Variants in AKAP12 observed in about 807,000 individuals in gnomAD.
AKAP12 encodes A-kinase anchor protein 12.
A neutral mutation model predicts 79.9 loss-of-function variants in AKAP12; 32 were observed. The ratio of observed to expected loss-of-function variants is 0.40; its 90% CI spans 0.30 to 0.54. The LOEUF is 0.54. Ranked by LOEUF, AKAP12 falls within the 20% of genes least tolerant of loss-of-function variation. The pLI is 0.48. For synonymous variants in AKAP12, 808 were observed against 857.0 expected (o/e 0.94, Z 1.00); for missense variants, 2,074 against 2,177.0 (o/e 0.95, Z 0.94).
rs1400976966 is a variant in AKAP12, at chr6:151,240,665, G to A, written c.103G>A (p.Glu35Lys). ...GCCCAGCGGCGGCGGCCCCTCGGCC[G>A]AGGCGGCGCCAGACACCACCGCGGA... ...PEPSGGGPSAEAAPDTTADPA... is the reference protein window; with the variant it reads ...PEPSGGGPSAKAAPDTTADPA... The change falls in exon 2 of 5, where the codon GAG becomes AAG. Residue 35 changes from glutamate (E) to lysine (K), a missense_variant. Glu to Lys is a moderately conservative substitution (Grantham distance 56). Coordinates refer to ENST00000402676, the MANE Select transcript of AKAP12 (RefSeq NM_005100.4). 6.9e-6 allele frequency: 9 copies of A among 1,312,496 alleles called. No homozygotes were observed. The highest frequency in any genetic ancestry group is 3.1e-5 in the East Asian group (1 of 31,836). The allele number at this position is 1,312,496 out of a possible 1,614,324, so 81.3% of individuals were successfully genotyped here.
chr6:151,310,142 C>T (rs1777061372), intron 3 of AKAP12, among the ~76,000 whole-genome samples: 2 of 152,080 alleles, frequency 1.3e-5, no homozygotes, highest in South Asian at 4.2e-4. Flanking sequence ...GCGAGTGGAT[C>T]ACCTCAGGCC....
intron 2 of AKAP12, among the ~76,000 whole-genome samples, chr6:151,243,276 C>A (rs1381744231): frequency 1.3e-5 from 2 of 152,206 alleles, no homozygotes; most frequent in African/African-American, 4.8e-5. Context: ...GCTAATACAT[C>A]ATTTTTCCCT....
chr6:151,349,266 C>T lies in AKAP12; in HGVS notation c.875C>T (p.Thr292Ile). 1 of 1,613,132 alleles carries T rather than the reference C, an allele frequency of 6.2e-7. No individual in the cohort carries two copies. Among genetic ancestry groups the T allele is most frequent in the Non-Finnish European group, 8.5e-7 (1 of 1,179,808 alleles). ...CCGACTAGTCCCGTGACCAGTGAAACAGGATCAACCTTCAAAAAATTCTTC... is the reference window on the plus strand; with the variant it reads ...CCGACTAGTCCCGTGACCAGTGAAATAGGATCAACCTTCAAAAAATTCTTC... ...ESPTSPVTSE[T>I]GSTFKKFFTQ... is the part of the protein sequence containing the mutation. Residue 292 changes from threonine (T) to isoleucine (I), a missense_variant, in exon 4 of 5, where the codon ACA becomes ATA. Thr to Ile is a moderately conservative substitution (Grantham distance 89). Around this residue, in one of 3 missense-constraint regions of AKAP12, gnomAD observed 1,428 missense variants for 1,451.0 expected, o/e 0.98. Coordinates refer to ENST00000402676, the MANE Select transcript of AKAP12 (RefSeq NM_005100.4).
At chr6:151,263,291 T>C (rs894681956) in intron 2 of AKAP12, among the ~76,000 whole-genome samples, 1 of 152,060 alleles carries the variant, frequency 6.6e-6, no homozygotes, top group African/African-American at 2.4e-5. Context: ...TGCCTTGGCC[T>C]CCCAAAATGC....
In AKAP12 at chr6:151,348,788, G is replaced by A. The variant is rs200778076; in HGVS notation, c.397G>A (p.Asp133Asn). Residue 133 changes from aspartate (D) to asparagine (N), a missense_variant, in exon 4 of 5, where the codon GAC (aspartate) becomes AAC (asparagine). By Grantham distance (23) the Asp-to-Asn change is conservative. Coordinates refer to ENST00000402676, the MANE Select transcript of AKAP12 (RefSeq NM_005100.4). ...GGCTACTAAGTCAGCGGTTGTTCACGACATCACAGATGATGGGCAGGAGGA... is the reference window on the plus strand; with the variant it reads ...GGCTACTAAGTCAGCGGTTGTTCACAACATCACAGATGATGGGCAGGAGGA... ...EMATKSAVVH[D>N]ITDDGQEETP... The A allele has an allele frequency of 7.6e-5, 121 of 1,597,074 alleles. No individual in the cohort carries two copies. Among genetic ancestry groups the A allele is most frequent in the Admixed American group, 2.2e-4 (13 of 58,450 alleles).
Position 151,240,367 on chromosome 6 carries a change from T to A in AKAP12, c.-179-17T>A, listed in dbSNP as rs554173129. ...GGCTAAGAGGTGGCCTTTTTTTTTT[T>A]TTCCTTTTCTTTTAAGGAGTTTGCC... On this transcript the variant is annotated splice_polypyrimidine_tract_variant and intron_variant, in intron 1 of 4. Coordinates refer to ENST00000402676, the MANE Select transcript of AKAP12 (RefSeq NM_005100.4). 7.3e-5 allele frequency: 36 copies of A among 496,344 alleles called. No individual in the cohort carries two copies. In the South Asian group the frequency reaches 2.0e-3, roughly 27 times the overall value. The allele number at this position is 496,344 out of a possible 1,614,324, so 30.7% of individuals were successfully genotyped here.
At chr6:151,274,957 A>T (rs1776261325) in intron 2 of AKAP12, among the ~76,000 whole-genome samples, 1 of 152,146 alleles carries the variant, frequency 6.6e-6, no homozygotes, top group African/African-American at 2.4e-5. Context: ...TATAAAAATT[A>T]ACCAGGCCTG....
Position 151,351,310 on chromosome 6 carries a change from C to T in AKAP12, c.2919C>T (p.Pro973=), listed in dbSNP as rs758828723. The change falls in exon 4 of 5, where the codon CCC becomes CCT. Residue 973 remains proline, a synonymous_variant. Coordinates refer to ENST00000402676, the MANE Select transcript of AKAP12 (RefSeq NM_005100.4). The surrounding 1 kb of genome is among the most constrained non-coding windows in gnomAD (Gnocchi z 4.4). ...TCGTTAGTGAGGCGGAATTGACCCC[C>T]GAAGCTGTGACAGCTGCAGAAACTG... ...DTVVSEAELT[P]EAVTAAETAG... 8.7e-6 allele frequency: 14 copies of T among 1,614,088 alleles called. No individual in the cohort carries two copies. The highest frequency in any genetic ancestry group is 7.7e-5 in the South Asian group (7 of 91,090).
In AKAP12 at chr6:151,353,425, T is replaced by C. The variant is rs746817598; in HGVS notation, c.5034T>C (p.Asp1678=). ...CTGGAACAAAGTCTGTGCCAGAAGA[T>C]GATGGTCATGCCTTGTTAGCAGAAA... is the stretch of plus-strand genomic sequence containing the variant. ...GGAGTKSVPE[D]DGHALLAERI... The change falls in exon 4 of 5, where the codon GAT becomes GAC. Residue 1678 remains aspartate, a synonymous_variant. Transcript: ENST00000402676. The C allele has an allele frequency of 1.9e-6, 3 of 1,614,138 alleles. No individual in the cohort carries two copies. The Admixed American group carries it at 5.0e-5, about 27-fold the overall frequency.
intron 3 of AKAP12, among the ~76,000 whole-genome samples, chr6:151,337,170 C>A (rs222572): frequency 6.6e-6 from 1 of 151,780 alleles, no homozygotes; most frequent in Admixed American, 6.6e-5. Context: ...TTAGTAGTTA[C>A]CTGCAATTCC....
At position 151,349,240 on chromosome 6, in the gene AKAP12, T is replaced by G; in HGVS notation, c.849T>G (p.Ser283=). Residue 283 remains serine, a synonymous_variant, in exon 4 of 5, where the codon TCT becomes TCG. Transcript: ENST00000402676. ...AAGAACCTAGCAAGTCTGCAGAATC[T>G]CCGACTAGTCCCGTGACCAGTGAAA... The part of the protein sequence containing the change: ...QEKEPSKSAE[S]PTSPVTSETG... 1.2e-6 allele frequency: 2 copies of G among 1,613,570 alleles called. No homozygotes were observed. The highest frequency in any genetic ancestry group is 1.7e-6 in the Non-Finnish European group (2 of 1,179,944).
chr6:151,278,893 T>C (rs972985261), intron 2 of AKAP12, among the ~76,000 whole-genome samples: 3 of 151,484 alleles, frequency 2.0e-5, no homozygotes, highest in Non-Finnish European at 4.4e-5. Flanking sequence ...GGTCTCGATC[T>C]CCTGACCTTG....
At chr6:151,334,788 AT>A (rs1370228466) in intron 3 of AKAP12, among the ~76,000 whole-genome samples, 4 of 149,494 alleles carry the variant, frequency 2.7e-5, no homozygotes, top group African/African-American at 9.8e-5. Flanking sequence ...TGTTCGGCTG[AT>A]TTTTTGTATT....
At chr6:151,343,750 C>T (rs968405161) in intron 3 of AKAP12, among the ~76,000 whole-genome samples, 5 of 152,050 alleles carry the variant, frequency 3.3e-5, no homozygotes, top group Admixed American at 1.3e-4. Context: ...AGCCACTGCA[C>T]TCCAGCGTGG....
At chr6:151,325,062 A>G (rs1320118180) in intron 3 of AKAP12, 1 of 985,326 alleles carries the variant, frequency 1.0e-6, no homozygotes. Context: ...TCAAGTGTTG[A>G]AGACAGCACT....
chr6:151,264,830 A>C (rs536021140), intron 2 of AKAP12, among the ~76,000 whole-genome samples: 1 of 152,228 alleles, frequency 6.6e-6, no homozygotes, highest in East Asian at 1.9e-4. Flanking sequence ...TTGAAAGCTT[A>C]AATCTGTGGG....
intron 3 of AKAP12, among the ~76,000 whole-genome samples, chr6:151,329,038 G>A (rs2114790833): frequency 6.6e-6 from 1 of 152,204 alleles, no homozygotes; most frequent in East Asian, 1.9e-4. Flanking sequence ...CAATAAGTTA[G>A]CTTTGAGACA....
At chr6:151,331,512 C>G (rs1331514310) in intron 3 of AKAP12, among the ~76,000 whole-genome samples, 1 of 152,176 alleles carries the variant, frequency 6.6e-6, no homozygotes, top group Non-Finnish European at 1.5e-5. Flanking sequence ...GCAGTGATAA[C>G]TTCAAGTTAT....
intron 3 of AKAP12, among the ~76,000 whole-genome samples, chr6:151,331,095 G>A (rs115628167): frequency 3.2e-4 from 48 of 152,326 alleles, no homozygotes; most frequent in African/African-American, 1.1e-3. Flanking sequence ...CAACACCTCA[G>A]TGTGAAACAC....
Sources: gnomAD v4.1 joint callset for allele counts (sites outside exome capture counted in the v4.1 genomes callset) on GRCh38, gnomAD v4.1.1 for gene constraint, gnomAD v4.1.1 regional missense constraint, Gnocchi (gnomAD v3.1) non-coding constraint, MANE v1.5 for transcripts, NCBI Gene and HGNC (gene_info 2026-07-23, HGNC 2026-07-21) for gene names.